Variants in INO80D observed in about 807,000 individuals in gnomAD.
INO80D encodes the protein INO80 complex subunit D.
Under a neutral mutation model 87.6 loss-of-function variants are expected in INO80D, and 21 were observed. The ratio of observed to expected loss-of-function variants is 0.24; its 90% CI spans 0.17 to 0.35. The LOEUF is 0.35. Ranked by LOEUF, INO80D falls within the 10% of genes least tolerant of loss-of-function variation. The pLI is 1.00. For missense variants in INO80D, 982 were observed against 1,280.7 expected, an observed-to-expected ratio of 0.77 and a Z score of 3.56; for synonymous variants, 440 against 491.0, an observed-to-expected ratio of 0.90 and a Z score of 1.37.
intron 1 of INO80D, among the ~76,000 whole-genome samples, chr2:206,083,860 CAAAAAAAAAA>C (rs35840816): frequency 1.0e-5 from 1 of 99,592 alleles, no homozygotes; most frequent in Non-Finnish European, 2.1e-5. Context: ...CTAAGCTCAC[CAAAAAAAAAA>C]AAAAAAAGGA....
At chr2:206,018,330 G>A (rs577806661) in intron 7 of INO80D, among the ~76,000 whole-genome samples, 1 of 152,204 alleles carries the variant, frequency 6.6e-6, no homozygotes, top group East Asian at 1.9e-4. Flanking sequence ...ATTTTTAGTA[G>A]AGACAGGGTT....
intron 3 of INO80D, among the ~76,000 whole-genome samples, chr2:206,059,289 C>A (rs567793434): frequency 6.6e-6 from 1 of 151,926 alleles, no homozygotes; most frequent in African/African-American, 2.4e-5. Context: ...GCTGAGGCAG[C>A]AAAATCCCTT....
At chr2:206,025,540 A>T (rs866909672) in intron 6 of INO80D, 151 of 63,256 alleles carry the variant, frequency 2.4e-3, no homozygotes, top group South Asian at 0.012. Context: ...AAAAAAAAAA[A>T]AAATATATAT....
chr2:206,017,818 GT>G lies in INO80D; in HGVS notation c.1409-6del, dbSNP rs1427064333. 2.5e-6 allele frequency: 4 copies of G among 1,592,562 alleles called. No individual in the cohort carries two copies. The highest frequency in any genetic ancestry group is 3.4e-6 in the Non-Finnish European group (4 of 1,174,656). On this transcript the variant is annotated splice_polypyrimidine_tract_variant and splice_region_variant and intron_variant, in intron 7 of 10. Transcript: ENST00000403263. ...GAGAGTGGTTCAAGAGGATATCTGGGTTTTTTTAAGTTAGGAGTAAAATACA... is the reference window on the plus strand; with the variant it reads ...GAGAGTGGTTCAAGAGGATATCTGGGTTTTTTAAGTTAGGAGTAAAATACA...
In INO80D at chr2:206,004,149, A is replaced by G; in HGVS notation, c.*219T>C. 1 of 583,810 alleles carries G rather than the reference A, an allele frequency of 1.7e-6. No individual in the cohort carries two copies. Among genetic ancestry groups the G allele is most frequent in the East Asian group, 2.8e-5 (1 of 35,124 alleles). 36.2% of individuals were successfully genotyped at this position (583,810 alleles called of 1,614,324 possible). On this transcript the variant is annotated 3_prime_UTR_variant, in exon 11 of 11. Transcript: ENST00000403263. The surrounding 1 kb of genome is among the most constrained non-coding windows in gnomAD (Gnocchi z 4.9). The stretch of plus-strand genomic sequence containing the variant: ...ACCACTAAGGAAACCACTGGGGCGG[A>G]GTGGGCCTGCCAGGAGGGAATGAGC...
At chr2:206,008,485 T>C (rs1688086609) in intron 9 of INO80D, among the ~76,000 whole-genome samples, 2 of 151,662 alleles carry the variant, frequency 1.3e-5, no homozygotes, top group Non-Finnish European at 2.9e-5. Flanking sequence ...TTCACCATCT[T>C]GGCCAGGCTG....
At position 206,002,352 on chromosome 2, in the gene INO80D, T is replaced by C. The variant is rs193296467; in HGVS notation, c.*2016A>G. On this transcript the variant is annotated 3_prime_UTR_variant, in exon 11 of 11. Coordinates refer to ENST00000403263, the MANE Select transcript of INO80D (RefSeq NM_017759.5). ...CTGTTCTCACCATTCAGAATAGAAA[T>C]TTATGGTGATACCAAATATAATTTT... is the stretch of plus-strand genomic sequence containing the variant. 6.6e-6 allele frequency: 1 copy of C among 152,306 alleles called. No homozygotes were observed. Among genetic ancestry groups the C allele is most frequent in the Admixed American group, 6.5e-5 (1 of 15,288 alleles). The allele number at this position is 152,306 out of a possible 1,614,324, so 9.4% of individuals were successfully genotyped here. A position where few individuals can be genotyped will look rare whatever the true frequency, so the allele number is the denominator to read the frequency against.
At chr2:206,034,587 C>CATACCTCAATATA (rs1312229184) in intron 5 of INO80D, among the ~76,000 whole-genome samples, 2 of 152,104 alleles carry the variant, frequency 1.3e-5, no homozygotes, top group Non-Finnish European at 2.9e-5. Flanking sequence ...ATACAAGGGA[C>CATACCTCAATATA]ATACCTCAAT....
At chr2:206,030,974 G>A (rs1391347859) in intron 5 of INO80D, among the ~76,000 whole-genome samples, 1 of 152,198 alleles carries the variant, frequency 6.6e-6, no homozygotes, top group Non-Finnish European at 1.5e-5. Flanking sequence ...CAATCTGCAT[G>A]TATAAAGACA....
rs1358823246 is a variant in INO80D at position 205,996,561 on chromosome 2, T to C, written c.*7807A>G. 1.3e-5 allele frequency: 2 copies of C among 152,190 alleles called. No homozygotes were observed. The highest frequency in any genetic ancestry group is 3.9e-4 in the East Asian group (2 of 5,190). The allele number at this position is 152,190 out of a possible 1,614,324, so 9.4% of individuals were successfully genotyped here. On this transcript the variant is annotated 3_prime_UTR_variant, in exon 11 of 11. Coordinates refer to ENST00000403263, the MANE Select transcript of INO80D (RefSeq NM_017759.5). Reference sequence around the variant, plus strand: ...ACTTTCCATAGACATTAATCTTGCTTAACAAAGGCTGTTTACCTATTATAC... The same window carrying C: ...ACTTTCCATAGACATTAATCTTGCTCAACAAAGGCTGTTTACCTATTATAC...
intron 9 of INO80D, 27 bp from the exon 10 acceptor site, chr2:206,007,468 A>AT: frequency 6.3e-7 from 1 of 1,582,038 alleles, no homozygotes; most frequent in East Asian, 2.3e-5. Flanking sequence ...TGTTGGTCCC[A>AT]TAACTCCCCC....
chr2:206,075,039 C>CAAAAAAAAAAAAAAAA (rs56081344), intron 1 of INO80D, among the ~76,000 whole-genome samples: 21 of 117,712 alleles, frequency 1.8e-4, no homozygotes, highest in African/African-American at 5.7e-4. Flanking sequence ...AACTCCATCT[C>CAAAAAAAAAAAAAAAA]AAAAAAAAAA....
In INO80D at chr2:205,998,288, C is replaced by T. The variant is rs1687843391; in HGVS notation, c.*6080G>A. 1.3e-5 allele frequency: 2 copies of T among 152,048 alleles called. No homozygotes were observed. The highest frequency in any genetic ancestry group is 6.6e-5 in the Admixed American group (1 of 15,264). 9.4% of individuals were successfully genotyped at this position (152,048 alleles called of 1,614,324 possible). A position where few individuals can be genotyped will look rare whatever the true frequency, so the allele number is the denominator to read the frequency against. On this transcript the variant is annotated 3_prime_UTR_variant, in exon 11 of 11. Coordinates refer to ENST00000403263, the MANE Select transcript of INO80D (RefSeq NM_017759.5). Reference sequence around the variant, plus strand: ...ATCATTTACTAAAGAACATGATTCTCAACAGTTCTAGGAACAGTTATAAAT... The same window carrying T: ...ATCATTTACTAAAGAACATGATTCTTAACAGTTCTAGGAACAGTTATAAAT...
chr2:206,081,960 A>G (rs1173601449), intron 1 of INO80D, among the ~76,000 whole-genome samples: 1 of 152,176 alleles, frequency 6.6e-6, no homozygotes, highest in Non-Finnish European at 1.5e-5. Context: ...CAGAACTCAA[A>G]GCCCAGTCTA....
chr2:206,015,759 C>T (rs139704430), intron 8 of INO80D, among the ~76,000 whole-genome samples: 7,189 of 152,212 alleles, frequency 0.047, 248 homozygotes, highest in African/African-American at 0.084. Flanking sequence ...TGGTGGCACA[C>T]GCCTGTAATC....
chr2:206,043,112 T>A (rs913648342), intron 5 of INO80D, among the ~76,000 whole-genome samples: 4 of 152,248 alleles, frequency 2.6e-5, no homozygotes, highest in Non-Finnish European at 5.9e-5. Context: ...TTGAGGCATT[T>A]GGCATGGCAA....
intron 1 of INO80D, among the ~76,000 whole-genome samples, chr2:206,067,557 C>T (rs1451945511): frequency 6.6e-6 from 1 of 152,042 alleles, no homozygotes; most frequent in African/African-American, 2.4e-5. Context: ...CAAAACATCA[C>T]TATATACCCC....
intron 9 of INO80D, 43 bp from the exon 10 acceptor site, chr2:206,007,484 C>A: frequency 3.2e-6 from 5 of 1,564,930 alleles, no homozygotes; most frequent in Non-Finnish European, 4.3e-6. Context: ...CCCCCATTAT[C>A]TTCACATCAA....
chr2:206,046,730 GTGAATAA>G, intron 4 of INO80D, 118 bp from the exon 5 acceptor site: 1 of 622,626 alleles, frequency 1.6e-6, no homozygotes, highest in Non-Finnish European at 2.9e-6. Flanking sequence ...CTATCATGGT[GTGAATAA>G]ATGTCTCCTG....
Sources: allele counts gnomAD v4.1 joint callset (sites outside exome capture counted in the v4.1 genomes callset), GRCh38; gene constraint gnomAD v4.1.1; non-coding constraint Gnocchi (gnomAD v3.1); transcripts MANE v1.5; gene names NCBI Gene and HGNC (gene_info 2026-07-23, HGNC 2026-07-21).